SDCCAG8: variants seen among roughly 807,000 people sequenced by gnomAD.
The protein encoded by SDCCAG8 is serologically defined colon cancer antigen 8.
SDCCAG8 carries 74 observed loss-of-function variants against 101.8 expected under a neutral mutation model. The ratio of observed to expected loss-of-function variants is 0.73; its 90% CI spans 0.60 to 0.88. The LOEUF (loss-of-function observed/expected upper bound fraction) is 0.88, where lower values mean the gene tolerates loss of function less well. SDCCAG8 is among the 40% of genes least tolerant of loss of function. The pLI is 0.00. For synonymous variants in SDCCAG8, 281 were observed against 292.9 expected (o/e 0.96, Z 0.41); for missense variants, 787 against 822.6 (o/e 0.96, Z 0.53).
chr1:243,294,494 A>AAAGAGC (rs1225780503), intron 6 of SDCCAG8, among the ~76,000 whole-genome samples: 7 of 132,812 alleles, frequency 5.3e-5, no homozygotes, highest in African/African-American at 1.7e-4. Flanking sequence ...AGAGAGAGAG[A>AAAGAGC]GAGAGAAAGA....
At chr1:243,428,448 A>G (rs2081490187) in intron 16 of SDCCAG8, among the ~76,000 whole-genome samples, 1 of 152,212 alleles carries the variant, frequency 6.6e-6, no homozygotes, top group South Asian at 2.1e-4. Context: ...TGACCCTTAA[A>G]CAACACAGAT....
intron 10 of SDCCAG8, chr1:243,338,874 GT>G (rs1174737245): frequency 1.3e-5 from 2 of 152,538 alleles, no homozygotes; most frequent in Non-Finnish European, 1.5e-5. Context: ...CTGTGTCTGT[GT>G]TACTTCTGGC....
At chr1:243,442,214 A>G (rs1196152058) in intron 16 of SDCCAG8, among the ~76,000 whole-genome samples, 3 of 152,178 alleles carry the variant, frequency 2.0e-5, no homozygotes, top group Non-Finnish European at 4.4e-5. Context: ...GAATTGTGAA[A>G]AGGATTTTAG....
chr1:243,487,205 C>A (rs1165335900), intron 16 of SDCCAG8, among the ~76,000 whole-genome samples: 1 of 152,198 alleles, frequency 6.6e-6, no homozygotes, highest in Non-Finnish European at 1.5e-5. Context: ...GGCAGGTTCC[C>A]CAGTCCGCTG....
intron 16 of SDCCAG8, among the ~76,000 whole-genome samples, chr1:243,469,817 T>C (rs766857651): frequency 4.0e-5 from 6 of 150,562 alleles, no homozygotes; most frequent in Non-Finnish European, 7.4e-5. Flanking sequence ...TACAGGGCTT[T>C]GCGAAAGTGT....
At chr1:243,389,154 C>CA (rs1042348398) in intron 13 of SDCCAG8, among the ~76,000 whole-genome samples, 1 of 149,646 alleles carries the variant, frequency 6.7e-6, no homozygotes, top group Non-Finnish European at 1.5e-5. Context: ...CCCCCCTCCC[C>CA]CCCCCAAAAA....
At chr1:243,418,124 C>A in intron 15 of SDCCAG8, 48 bp downstream of exon 15, 2 of 1,322,992 alleles carry the variant, frequency 1.5e-6, no homozygotes, top group Non-Finnish European at 2.2e-6. Context: ...TGTGTGATTA[C>A]TCTAATTTTT....
At chr1:243,269,030 C>T (rs1380897983) in intron 1 of SDCCAG8, 2 of 152,936 alleles carry the variant, frequency 1.3e-5, no homozygotes, top group African/African-American at 4.8e-5. Flanking sequence ...TTTTCTCTTT[C>T]TTCATGGGGT....
chr1:243,390,810 CAT>C (rs1014974557), intron 13 of SDCCAG8, among the ~76,000 whole-genome samples: 3 of 152,198 alleles, frequency 2.0e-5, no homozygotes, highest in Non-Finnish European at 2.9e-5. Context: ...AAAGCAAAAA[CAT>C]AGAATTGTTC....
chr1:243,476,141 G>C lies in SDCCAG8; in HGVS notation c.1986-12873G>C, dbSNP rs564420757. 166 of 985,460 alleles carry C rather than the reference G, an allele frequency of 1.7e-4. 2 individuals are homozygous for C. The South Asian group carries it at 6.8e-3, about 40-fold the overall frequency. 61.0% of individuals were successfully genotyped at this position (985,460 alleles called of 1,614,324 possible). On this transcript the variant is annotated intron_variant, in intron 16 of 17. Coordinates refer to ENST00000366541, the MANE Select transcript of SDCCAG8 (RefSeq NM_006642.5). ...TCTTTGCAGAATTCCTTTGGCTGCA[G>C]ATTTTATTTCTGAGTCACTCTGTTC...
intron 13 of SDCCAG8, among the ~76,000 whole-genome samples, chr1:243,397,540 A>G (rs1167039313): frequency 1.3e-5 from 2 of 152,240 alleles, no homozygotes; most frequent in Admixed American, 6.5e-5. Flanking sequence ...ACATATGGAA[A>G]GCAAATGCAT....
chr1:243,489,958 G>A (rs1052909896), intron 17 of SDCCAG8, among the ~76,000 whole-genome samples: 2 of 152,184 alleles, frequency 1.3e-5, no homozygotes, highest in African/African-American at 2.4e-5. Flanking sequence ...ATTTTGCCCC[G>A]TCAAGCAGTT....
At chr1:243,405,612 A>G (rs2079724199) in intron 13 of SDCCAG8, among the ~76,000 whole-genome samples, 1 of 152,158 alleles carries the variant, frequency 6.6e-6, no homozygotes, top group African/African-American at 2.4e-5. Context: ...AGGAGAGCTT[A>G]TTGTATTTGG....
chr1:243,460,821 T>C (rs1239427467), intron 16 of SDCCAG8, among the ~76,000 whole-genome samples: 1 of 152,186 alleles, frequency 6.6e-6, no homozygotes, highest in Non-Finnish European at 1.5e-5. Flanking sequence ...GTTCGGCTTG[T>C]TCCCTTTCTC....
chr1:243,495,668 G>C (rs532333336), intron 17 of SDCCAG8, among the ~76,000 whole-genome samples: 2 of 152,160 alleles, frequency 1.3e-5, no homozygotes, highest in Admixed American at 6.5e-5. Context: ...ACTGCCCCTC[G>C]GCTCTGTAGA....
chr1:243,403,825 T>A (rs1318648293), intron 13 of SDCCAG8, among the ~76,000 whole-genome samples: 1 of 152,124 alleles, frequency 6.6e-6, no homozygotes, highest in Non-Finnish European at 1.5e-5. Context: ...TTATGGTGAG[T>A]GTTATAATTA....
intron 12 of SDCCAG8, among the ~76,000 whole-genome samples, chr1:243,359,113 G>A (rs763980112): frequency 1.3e-5 from 2 of 152,176 alleles, no homozygotes; most frequent in African/African-American, 2.4e-5. Flanking sequence ...TAACTAAGGA[G>A]GAGGAGTGTT....
chr1:243,436,692 G>A (rs759483861), intron 16 of SDCCAG8, among the ~76,000 whole-genome samples: 3 of 152,164 alleles, frequency 2.0e-5, no homozygotes, highest in Non-Finnish European at 2.9e-5. Context: ...ACTAATGCCT[G>A]TTTGGAGGCA....
intron 16 of SDCCAG8, among the ~76,000 whole-genome samples, chr1:243,456,303 C>A (rs1230784884): frequency 6.6e-6 from 1 of 152,160 alleles, no homozygotes; most frequent in Non-Finnish European, 1.5e-5. Flanking sequence ...CTTATTAATT[C>A]TGTGGCTGGC....
Sources: gnomAD v4.1 joint callset for allele counts (sites outside exome capture counted in the v4.1 genomes callset) on GRCh38, gnomAD v4.1.1 for gene constraint, MANE v1.5 for transcripts, NCBI Gene and HGNC (gene_info 2026-07-23, HGNC 2026-07-21) for gene names.